The following PPM1F variants were observed in gnomAD, a reference collection of about 807,000 sequenced individuals.
The protein encoded by PPM1F is protein phosphatase 1F.
PPM1F carries 17 observed loss-of-function variants against 35.5 expected under a neutral mutation model. The ratio of observed to expected loss-of-function variants is 0.48; its 90% CI spans 0.33 to 0.72. The LOEUF (loss-of-function observed/expected upper bound fraction) is 0.72. Ranked by LOEUF, PPM1F falls within the 30% of genes least tolerant of loss-of-function variation. The probability of loss-of-function intolerance (pLI) is 0.02; values close to 1 mark genes in which losing one functional copy is unlikely to be tolerated. For synonymous variants in PPM1F, 241 were observed against 255.5 expected, an observed-to-expected ratio of 0.94 and a Z score of 0.54; for missense variants, 521 against 613.0, an observed-to-expected ratio of 0.85 and a Z score of 1.59.
At chr22:21,945,772 C>G in intron 2 of PPM1F, 71 bp downstream of exon 2, 14 of 1,489,158 alleles carry the variant, frequency 9.4e-6, no homozygotes, top group Non-Finnish European at 1.3e-5. Context: ...AGGGGAGCAG[C>G]AGCCACATCC....
In PPM1F at chr22:21,919,614, G is replaced by A. The variant is rs1336614074; in HGVS notation, c.*3478C>T. 1 of 152,420 alleles carries A rather than the reference G, an allele frequency of 6.6e-6. No individual in the cohort carries two copies. The highest frequency in any genetic ancestry group is 1.5e-5 in the Non-Finnish European group (1 of 68,054). The allele number at this position is 152,420 out of a possible 1,614,324, so 9.4% of individuals were successfully genotyped here. A position where few individuals can be genotyped will look rare whatever the true frequency, so the allele number is the denominator to read the frequency against. On this transcript the variant is annotated 3_prime_UTR_variant, in exon 8 of 8. Transcript: ENST00000263212. ...CGAGACGAACGCAGATAAACCCTTC[G>A]CAAGGCCTGCACTGCACCGGAATGG...
intron 2 of PPM1F, chr22:21,942,131 C>T: frequency 6.6e-6 from 1 of 152,498 alleles, no homozygotes. Flanking sequence ...GGTGATTCTG[C>T]ACTGGGCCGA....
At chr22:21,942,717 A>G (rs960305655) in intron 2 of PPM1F, 1 of 152,294 alleles carries the variant, frequency 6.6e-6, no homozygotes, top group Admixed American at 6.5e-5. Context: ...AAGGGCCACC[A>G]TCGTCCTCTT....
intron 6 of PPM1F, among the ~76,000 whole-genome samples, chr22:21,928,121 C>T (rs552443772): frequency 1.4e-4 from 22 of 152,028 alleles, no homozygotes; most frequent in African/African-American, 4.6e-4. Context: ...CCCTCTGCTC[C>T]TCAAACCTCA....
intron 6 of PPM1F, among the ~76,000 whole-genome samples, chr22:21,930,266 G>A (rs1260812712): frequency 6.6e-6 from 1 of 152,222 alleles, no homozygotes; most frequent in Non-Finnish European, 1.5e-5. Flanking sequence ...GCCCAGGCTG[G>A]CATGGCCTGA....
At position 21,921,072 on chromosome 22, in the gene PPM1F, TG is replaced by T. The variant is rs2070442161; in HGVS notation, c.*2019del. On this transcript the variant is annotated 3_prime_UTR_variant, in exon 8 of 8. Coordinates refer to ENST00000263212, the MANE Select transcript of PPM1F (RefSeq NM_014634.4). ...GACCTTAAGCAATGCATTGACTGCA[TG>T]GTCTCAACCTCATCTGTGCTGTGAG... is the stretch of plus-strand genomic sequence containing the variant. 1 of 152,486 alleles carries T rather than the reference TG, an allele frequency of 6.6e-6. No individual in the cohort carries two copies. The highest frequency in any genetic ancestry group is 1.5e-5 in the Non-Finnish European group (1 of 68,012). The allele number at this position is 152,486 out of a possible 1,614,324, so 9.4% of individuals were successfully genotyped here.
chr22:21,945,778 C>A, intron 2 of PPM1F, 65 bp downstream of exon 2: 6 of 1,523,528 alleles, frequency 3.9e-6, no homozygotes, highest in Non-Finnish European at 4.4e-6. Context: ...GCAGCAGCCA[C>A]ATCCCTTGTC....
intron 3 of PPM1F, chr22:21,938,651 C>G (rs2145802163): frequency 1.0e-6 from 1 of 991,482 alleles, no homozygotes; most frequent in South Asian, 3.1e-5. Context: ...AAGGGAAAAT[C>G]CACTGCAACT....
At chr22:21,931,738 G>T (rs1263284849) in intron 5 of PPM1F, among the ~76,000 whole-genome samples, 1 of 151,740 alleles carries the variant, frequency 6.6e-6, no homozygotes, top group Non-Finnish European at 1.5e-5. Flanking sequence ...GGCTGGTCTT[G>T]AACTCCTGAG....
intron 6 of PPM1F, chr22:21,925,981 G>A (rs2070509779): frequency 3.2e-6 from 1 of 316,852 alleles, no homozygotes; most frequent in South Asian, 1.1e-4. Flanking sequence ...GCCCGACACA[G>A]ACAGCAGATC....
intron 6 of PPM1F, 89 bp downstream of exon 6, chr22:21,931,059 G>C (rs2070583090): frequency 6.4e-7 from 1 of 1,557,572 alleles, no homozygotes; most frequent in Non-Finnish European, 8.7e-7. Context: ...ACTACTACCT[G>C]AAGTTCCCAG....
intron 2 of PPM1F, chr22:21,941,941 C>T (rs1466970575): frequency 6.6e-6 from 1 of 152,300 alleles, no homozygotes; most frequent in Non-Finnish European, 1.5e-5. Flanking sequence ...TGAGCCATCC[C>T]TGGCTTTTCT....
chr22:21,936,487 C>T (rs2070660653), intron 3 of PPM1F: 1 of 152,220 alleles, frequency 6.6e-6, no homozygotes, highest in South Asian at 2.1e-4. Flanking sequence ...TTTGACTTCC[C>T]CTTTTGCGAG....
intron 7 of PPM1F, among the ~76,000 whole-genome samples, chr22:21,924,422 C>A (rs1354529860): frequency 6.6e-6 from 1 of 152,164 alleles, no homozygotes; most frequent in East Asian, 1.9e-4. Context: ...CAGGCACCAC[C>A]ACGCCCGGCT....
chr22:21,934,124 C>A lies in PPM1F; in HGVS notation c.458G>T (p.Arg153Leu). 2 of 1,569,076 alleles carry A rather than the reference C, an allele frequency of 1.3e-6. No individual in the cohort carries two copies. Among genetic ancestry groups the A allele is most frequent in the Non-Finnish European group, 1.7e-6 (2 of 1,157,188 alleles). The stretch of plus-strand genomic sequence containing the variant: ...GGCGTGGATGGAGACCAGCCACTGC[C>A]GCTGTGAGGCCCGGGCAGCCAATGG... The part of the protein sequence containing the change: ...QVPLAARASQ[R>L]QWLVSIHAIR... The change falls in exon 4 of 8, where the codon CGG becomes CTG. Residue 153 changes from arginine to leucine, a missense_variant. Coordinates refer to ENST00000263212, the MANE Select transcript of PPM1F (RefSeq NM_014634.4).
Position 21,931,207 on chromosome 22 carries a change from T to C in PPM1F, c.832A>G (p.Ile278Val), listed in dbSNP as rs376795506. ...ACCACCTGTCCCTGCTGTACCAAAA[T>C]GACCTGGGAATCCCCGAGCCAGGCG... The part of the protein sequence containing the change: ...HVAWLGDSQV[I>V]LVQQGQVVKL... The change falls in exon 6 of 8, where the codon ATT becomes GTT. Residue 278 changes from isoleucine to valine, a missense_variant. Coordinates refer to ENST00000263212, the MANE Select transcript of PPM1F (RefSeq NM_014634.4). The C allele has an allele frequency of 6.2e-7, 1 of 1,614,124 alleles. No homozygotes were observed. The highest frequency in any genetic ancestry group is 1.1e-5 in the South Asian group (1 of 91,084).
At chr22:21,924,804 G>C (rs2070492076) in intron 7 of PPM1F, 1 of 152,008 alleles carries the variant, frequency 6.6e-6, no homozygotes, top group Non-Finnish European at 1.5e-5. Context: ...CCCGATCTCA[G>C]GTGATCCGCC....
At chr22:21,927,341 G>A (rs1436616909) in intron 6 of PPM1F, among the ~76,000 whole-genome samples, 2 of 152,226 alleles carry the variant, frequency 1.3e-5, no homozygotes, top group South Asian at 2.1e-4. Context: ...AGACGGCGAG[G>A]AGCTGCAGAG....
chr22:21,937,707 G>A (rs2070675384), intron 3 of PPM1F: 1 of 160,796 alleles, frequency 6.2e-6, no homozygotes, highest in Non-Finnish European at 1.4e-5. Flanking sequence ...GACTCCGGCC[G>A]CCGCTGTGGC....
Sources: allele counts gnomAD v4.1 joint callset (sites outside exome capture counted in the v4.1 genomes callset), GRCh38; gene constraint gnomAD v4.1.1; transcripts MANE v1.5; gene names NCBI Gene and HGNC (gene_info 2026-07-23, HGNC 2026-07-21).